PRDM5: variants seen among roughly 807,000 people sequenced by gnomAD.
PRDM5 encodes PR domain zinc finger protein 5.
PRDM5 carries 56 observed loss-of-function variants against 81.2 expected under a neutral mutation model. That is an observed-to-expected ratio of 0.69 (90% confidence interval 0.56 to 0.86). The LOEUF is 0.86. Ranked by LOEUF, PRDM5 falls within the 40% of genes least tolerant of loss-of-function variation. The pLI is 0.00. For missense variants in PRDM5, 697 were observed against 770.1 expected (o/e 0.91, Z 1.12); for synonymous variants, 267 against 256.4 (o/e 1.04, Z -0.39).
chr4:120,916,137 C>T (rs903169514), intron 1 of PRDM5, among the ~76,000 whole-genome samples: 1 of 151,926 alleles, frequency 6.6e-6, no homozygotes, highest in African/African-American at 2.4e-5. Context: ...GCCTGTAATC[C>T]CAGCACTTTG....
At chr4:120,817,064 C>T (rs779919048) in intron 5 of PRDM5, 140 bp from the exon 6 acceptor site, 8 of 726,314 alleles carry the variant, frequency 1.1e-5, no homozygotes, top group Non-Finnish European at 1.7e-5. Flanking sequence ...AAATTTTTAG[C>T]AGTACCTTAA....
At chr4:120,811,483 A>C (rs549772418) in intron 7 of PRDM5, 34 bp from the exon 8 acceptor site, 1 of 1,353,756 alleles carries the variant, frequency 7.4e-7, no homozygotes, top group African/African-American at 1.4e-5. Flanking sequence ...GATGATTTAA[A>C]TGAGACTATT....
At chr4:120,870,124 G>A (rs778458059) in intron 2 of PRDM5, among the ~76,000 whole-genome samples, 65 of 152,096 alleles carry the variant, frequency 4.3e-4, no homozygotes, top group Non-Finnish European at 6.8e-4. Flanking sequence ...AAGGGAAGAC[G>A]GAGGAGACAG....
chr4:120,710,297 A>T lies in PRDM5; in HGVS notation c.1728+12T>A, dbSNP rs774248166. 1.9e-6 allele frequency: 3 copies of T among 1,612,620 alleles called. No homozygotes were observed. Among genetic ancestry groups the T allele is most frequent in the Non-Finnish European group, 2.5e-6 (3 of 1,179,078 alleles). ...TTGGAAGACACTATGGGGGAAAAAA[A>T]TCCAAACTCACATCACACTGAAAAG... is the stretch of plus-strand genomic sequence containing the variant. On this transcript the variant is annotated intron_variant, in intron 15 of 15. Coordinates refer to ENST00000264808, the MANE Select transcript of PRDM5 (RefSeq NM_018699.4).
chr4:120,818,472 G>C lies in PRDM5; in HGVS notation c.531C>G (p.Thr177=). The C allele has an allele frequency of 1.2e-6, 2 of 1,613,580 alleles. No homozygotes were observed. The highest frequency in any genetic ancestry group is 1.6e-4 in the Middle Eastern group (1 of 6,062). ...YACPQCESSF[T]SEDILAEHLQ... is the part of the protein sequence containing the mutation. ...GATGCTCAGCAAGAATATCCTCACT[G>C]GTAAAACTCGATTCACATTGAGGAC... Residue 177 remains threonine, a synonymous_variant, in exon 5 of 16, where the codon ACC becomes ACG. Transcript: ENST00000264808.
At chr4:120,748,294 T>C (rs747590858) in intron 14 of PRDM5, among the ~76,000 whole-genome samples, 3 of 152,162 alleles carry the variant, frequency 2.0e-5, no homozygotes, top group Non-Finnish European at 2.9e-5. Context: ...GCCCAAGGCC[T>C]TGGAAAAATT....
chr4:120,922,242 G>T (rs1041922224), intron 1 of PRDM5, among the ~76,000 whole-genome samples: 1 of 152,162 alleles, frequency 6.6e-6, no homozygotes, highest in African/African-American at 2.4e-5. Context: ...CTTGCGGCAG[G>T]GAGGCCGGTG....
intron 2 of PRDM5, among the ~76,000 whole-genome samples, chr4:120,900,226 T>C (rs561053667): frequency 1.1e-4 from 16 of 152,192 alleles, no homozygotes; most frequent in Non-Finnish European, 2.2e-4. Flanking sequence ...CTCCTCTCCC[T>C]AGAGGTGAGG....
chr4:120,816,644 C>G, intron 6 of PRDM5, 70 bp from the exon 7 acceptor site: 2 of 1,602,612 alleles, frequency 1.2e-6, no homozygotes, highest in South Asian at 2.2e-5. Flanking sequence ...CAAACATCAG[C>G]AAGATTTTGT....
At chr4:120,846,319 G>T (rs1263357182) in intron 3 of PRDM5, among the ~76,000 whole-genome samples, 3 of 152,184 alleles carry the variant, frequency 2.0e-5, no homozygotes, top group African/African-American at 4.8e-5. Context: ...AAAGTCAATT[G>T]ATGCAGCAAA....
downstream of PRDM5, among the ~76,000 whole-genome samples, chr4:120,689,811 C>T (rs951775824): frequency 6.6e-6 from 1 of 151,864 alleles, no homozygotes; most frequent in Non-Finnish European, 1.5e-5. Flanking sequence ...GATGGGGTTT[C>T]GCCATGTTGC....
At chr4:120,749,184 C>T (rs1250798688) in intron 14 of PRDM5, among the ~76,000 whole-genome samples, 1 of 150,668 alleles carries the variant, frequency 6.6e-6, no homozygotes, top group Non-Finnish European at 1.5e-5. Flanking sequence ...GGTCACAAAA[C>T]AATCAGATGA....
At chr4:120,852,535 T>C (rs941716585) in intron 3 of PRDM5, among the ~76,000 whole-genome samples, 11 of 152,082 alleles carry the variant, frequency 7.2e-5, no homozygotes, top group Admixed American at 6.6e-4. Context: ...CCAAGTGGGA[T>C]ATCAGCTCTT....
chr4:120,869,091 A>AT (rs546132281), intron 2 of PRDM5, among the ~76,000 whole-genome samples: 130 of 152,190 alleles, frequency 8.5e-4, no homozygotes, highest in African/African-American at 2.5e-3. Flanking sequence ...GGCCTGACAG[A>AT]TTTTTTTTAA....
intron 3 of PRDM5, among the ~76,000 whole-genome samples, chr4:120,831,658 G>A (rs944978066): frequency 1.3e-5 from 2 of 151,280 alleles, no homozygotes; most frequent in African/African-American, 4.9e-5. Flanking sequence ...TCTGAACTTA[G>A]GATGCTTTGC....
intron 5 of PRDM5, 109 bp downstream of exon 5, chr4:120,818,244 G>A (rs890984959): frequency 9.9e-5 from 114 of 1,147,826 alleles, no homozygotes; most frequent in African/African-American, 1.6e-4. Flanking sequence ...CAAAACATGC[G>A]CGTGCGCGCG....
At chr4:120,863,162 A>AAC (rs1760800921) in intron 2 of PRDM5, among the ~76,000 whole-genome samples, 1 of 71,732 alleles carries the variant, frequency 1.4e-5, no homozygotes, top group South Asian at 6.8e-4. Context: ...TGTCTAAAAA[A>AAC]AAAAAAAAAA....
At position 120,713,696 on chromosome 4, in the gene PRDM5, G is replaced by A. The variant is rs141392373; in HGVS notation, c.1624-3283C>T. ...CTGAATAATACAGGTACTGTAGAAC[G>A]ATCCTCTTACACTTAGAGCAGTATT... is the stretch of plus-strand genomic sequence containing the variant. On this transcript the variant is annotated intron_variant, in intron 14 of 15. Coordinates refer to ENST00000264808, the MANE Select transcript of PRDM5 (RefSeq NM_018699.4). Among the ~76,000 whole-genome samples, 55 of 152,146 alleles carry A rather than the reference G, an allele frequency of 3.6e-4. 1 individual carries two copies. The highest frequency in any genetic ancestry group is 1.3e-3 in the African/African-American group (52 of 41,498).
chr4:120,759,503 T>C (rs1745293296), intron 13 of PRDM5, among the ~76,000 whole-genome samples: 2 of 152,230 alleles, frequency 1.3e-5, no homozygotes, highest in African/African-American at 4.8e-5. Flanking sequence ...AAAGTCATTT[T>C]CCTAATTTGC....
Sources: gnomAD v4.1 joint callset for allele counts (sites outside exome capture counted in the v4.1 genomes callset) on GRCh38, gnomAD v4.1.1 for gene constraint, MANE v1.5 for transcripts, NCBI Gene and HGNC (gene_info 2026-07-23, HGNC 2026-07-21) for gene names.